GOLGA8H: variants seen among roughly 807,000 people sequenced by gnomAD.
The protein encoded by GOLGA8H is golgin A8 family member H.
GOLGA8H carries 47 observed loss-of-function variants against 82.7 expected under a neutral mutation model. That is an observed-to-expected ratio of 0.57 (90% CI 0.45 to 0.73). The LOEUF (loss-of-function observed/expected upper bound fraction) is 0.73. Among genes scored for constraint, GOLGA8H ranks in the 30% least tolerant of loss-of-function variants. GOLGA8H has a pLI of 0.00. For synonymous variants in GOLGA8H, 108 were observed against 241.6 expected (o/e 0.45, Z 5.13); for missense variants, 372 against 661.0 (o/e 0.56, Z 4.79).
At chr15:30,605,717 C>A in intron 1 of GOLGA8H, 126 bp from the exon 2 acceptor site, 5 of 1,502,940 alleles carry the variant, frequency 3.3e-6, no homozygotes, top group Non-Finnish European at 4.4e-6. Flanking sequence ...TGTGACAACA[C>A]CTTGTACGGT....
chr15:30,610,017 C>G lies in GOLGA8H; in HGVS notation c.697C>G (p.Gln233Glu), dbSNP rs148147214. ...QLTQLKESFQ[Q>E]VQLERDECAE... ...CTTGCAGTTGAAGGAGTCATTTCAA[C>G]AAGTCCAATTAGAAAGAGATGAGTG... Residue 233 changes from glutamine to glutamate, a missense_variant, in exon 10 of 19, where the codon CAA (glutamine) becomes GAA (glutamate). Transcript: ENST00000566740. 4.5e-5 allele frequency: 72 copies of G among 1,611,678 alleles called. No homozygotes were observed. In the East Asian group the frequency reaches 1.5e-3, roughly 33 times the overall value.
chr15:30,610,614 G>T lies in GOLGA8H; in HGVS notation c.875-152G>T, dbSNP rs1246481524. ...CAGCCACCCGCAGTGCTCTTTCTCT[G>T]AATGTGCTTTGGAAGACTGGCTACC... On this transcript the variant is annotated intron_variant, in intron 11 of 18. Transcript: ENST00000566740. 2.7e-5 allele frequency among the ~76,000 whole-genome samples: 4 copies of T among 150,362 alleles called. 1 individual carries two copies. Among genetic ancestry groups the T allele is most frequent in the East Asian group, 2.0e-4 (1 of 5,120 alleles).
rs1260707377 is a variant in GOLGA8H, at chr15:30,616,186, C to G, written c.*1625C>G. 6.6e-6 allele frequency among the ~76,000 whole-genome samples: 1 copy of G among 151,660 alleles called. No homozygotes were observed. The highest frequency in any genetic ancestry group is 1.5e-5 in the Non-Finnish European group (1 of 67,946). On this transcript the variant is annotated 3_prime_UTR_variant, in exon 19 of 19. Transcript: ENST00000566740. ...GTAACTTGATGATGCTTGGGAAAGA[C>G]TCAACAGTTCAAACTTCATGAAGTT... is the stretch of plus-strand genomic sequence containing the variant.
Position 30,613,890 on chromosome 15 carries a change from A to C in GOLGA8H, c.1469+20A>C, listed in dbSNP as rs2060065216. 2 of 1,601,462 alleles carry C rather than the reference A, an allele frequency of 1.2e-6. No homozygotes were observed. The highest frequency in any genetic ancestry group is 4.5e-5 in the East Asian group (2 of 44,726). ...CCATCAGTGAGTGGGAGGCCAGGGC[A>C]CGGCAGGGGGAGCTACAGGGCCGTC... On this transcript the variant is annotated intron_variant, in intron 16 of 18. Coordinates refer to ENST00000566740, the MANE Select transcript of GOLGA8H (RefSeq NM_001282490.2).
chr15:30,610,654 A>G (rs1344090262), intron 11 of GOLGA8H, 112 bp from the exon 12 acceptor site: 4 of 1,196,628 alleles, frequency 3.3e-6, no homozygotes, highest in East Asian at 2.4e-5. Context: ...GGGTGCGAGG[A>G]ATCATTAGCA....
Position 30,614,518 on chromosome 15 carries a change from T to G in GOLGA8H, c.1856T>G (p.Val619Gly), listed in dbSNP as rs2060080607. Reference sequence around the variant, plus strand: ...CCAGGCTTGGGCAGCAACTGCTGTGTGCCATTGTTGTGCTGGGCTTGGCTG... The same window carrying G: ...CCAGGCTTGGGCAGCAACTGCTGTGGGCCATTGTTGTGCTGGGCTTGGCTG... ...EHPGLGSNCC[V>G]PLLCWAWLPR... is the part of the protein sequence containing the mutation. Residue 619 changes from valine (V) to glycine (G), a missense_variant, in exon 19 of 19, where the codon GTG (valine) becomes GGG (glycine). Val to Gly is a moderately radical substitution (Grantham distance 109, BLOSUM62 -3). Coordinates refer to ENST00000566740, the MANE Select transcript of GOLGA8H (RefSeq NM_001282490.2). The G allele has an allele frequency of 1.2e-6, 2 of 1,603,862 alleles. No homozygotes were observed. The highest frequency in any genetic ancestry group is 1.7e-6 in the Non-Finnish European group (2 of 1,179,576).
chr15:30,609,302 T>C (rs2140829456), intron 8 of GOLGA8H, among the ~76,000 whole-genome samples: 1 of 124,648 alleles, frequency 8.0e-6, no homozygotes, highest in East Asian at 2.1e-4. Context: ...AAAGATTAAT[T>C]TTCCCCTTCC....
rs749536145 is a variant in GOLGA8H, at chr15:30,612,596, G to A, written c.1201-1G>A. 9.4e-6 allele frequency: 15 copies of A among 1,596,380 alleles called. No homozygotes were observed. The highest frequency in any genetic ancestry group is 1.3e-5 in the Non-Finnish European group (15 of 1,176,812). Reference sequence around the variant, plus strand: ...CTTCTCACTCTGTCCTGGCCCCTTAGGAGCACCTGGAAGCTGCCAGCCAGC... The same window carrying A: ...CTTCTCACTCTGTCCTGGCCCCTTAAGAGCACCTGGAAGCTGCCAGCCAGC... On this transcript the variant is annotated splice_acceptor_variant, in intron 13 of 18. Transcript: ENST00000566740. LOFTEE classifies it high-confidence loss of function.
chr15:30,617,074 C>T lies in GOLGA8H; in HGVS notation c.*2513C>T, dbSNP rs1595649427. Reference sequence around the variant, plus strand: ...TTGTATGACAATAACTCAAGTCTTTCTCCAAAGTGCATGCAGTCTTTTGCG... The same window carrying T: ...TTGTATGACAATAACTCAAGTCTTTTTCCAAAGTGCATGCAGTCTTTTGCG... On this transcript the variant is annotated 3_prime_UTR_variant, in exon 19 of 19. Coordinates refer to ENST00000566740, the MANE Select transcript of GOLGA8H (RefSeq NM_001282490.2). The T allele has an allele frequency of 1.4e-5, 2 of 147,530 alleles. No individual in the cohort carries two copies. Among genetic ancestry groups the T allele is most frequent in the East Asian group, 4.1e-4 (2 of 4,830 alleles). The allele number at this position is 147,530 out of a possible 1,614,324, so 9.1% of individuals were successfully genotyped here. A position where few individuals can be genotyped will look rare whatever the true frequency, so the allele number is the denominator to read the frequency against.
At chr15:30,606,260 C>G (rs1465291095) in intron 2 of GOLGA8H, among the ~76,000 whole-genome samples, 1 of 151,130 alleles carries the variant, frequency 6.6e-6, no homozygotes, top group Non-Finnish European at 1.5e-5. Context: ...AAGGCTGAGG[C>G]AAGAGAATGG....
At chr15:30,606,100 A>T in intron 2 of GOLGA8H, 138 bp downstream of exon 2, 1 of 1,438,648 alleles carries the variant, frequency 7.0e-7, no homozygotes, top group Non-Finnish European at 9.2e-7. Flanking sequence ...CACGCCTGTA[A>T]TCCTAGCACT....
At chr15:30,613,053 A>G (rs2060047895) in intron 14 of GOLGA8H, 51 bp from the exon 15 acceptor site, 2 of 1,124,204 alleles carry the variant, frequency 1.8e-6, no homozygotes, top group Admixed American at 2.2e-5. Flanking sequence ...GTGGGCCCAC[A>G]GTTCCTCCCT....
At chr15:30,609,695 G>C (rs1346099635) in intron 8 of GOLGA8H, 111 bp from the exon 9 acceptor site, 3 of 1,437,098 alleles carry the variant, frequency 2.1e-6, no homozygotes, top group Admixed American at 3.8e-5. Flanking sequence ...GAAATGCCTT[G>C]ATCTTTACTG....
intron 2 of GOLGA8H, 38 bp downstream of exon 2, chr15:30,606,000 C>T: frequency 1.9e-6 from 3 of 1,576,518 alleles, no homozygotes; most frequent in Non-Finnish European, 2.6e-6. Flanking sequence ...GGACAGGGGG[C>T]CCAAGGGGCA....
In GOLGA8H at chr15:30,605,986, C is replaced by T. The variant is rs749141093; in HGVS notation, c.168+24C>T. 9.4e-6 allele frequency: 15 copies of T among 1,588,556 alleles called. No individual in the cohort carries two copies. In the Admixed American group the frequency reaches 2.1e-4, roughly 22 times the overall value. On this transcript the variant is annotated intron_variant, in intron 2 of 18. Transcript: ENST00000566740. The stretch of plus-strand genomic sequence containing the variant: ...ATGTGAGTCTTGGCTGACCAGGCTT[C>T]TGGGGACAGGGGGCCCAAGGGGCAA...
chr15:30,615,311 C>T lies in GOLGA8H; in HGVS notation c.*750C>T, dbSNP rs1027003496. ...GTGGTTCCCTTAGGATTTGTATGTG[C>T]TCTGGGCTCATGAAGATACTGCATC... On this transcript the variant is annotated 3_prime_UTR_variant, in exon 19 of 19. Coordinates refer to ENST00000566740, the MANE Select transcript of GOLGA8H (RefSeq NM_001282490.2). Among the ~76,000 whole-genome samples, 1 of 151,786 alleles carries T rather than the reference C, an allele frequency of 6.6e-6. No individual in the cohort carries two copies. The highest frequency in any genetic ancestry group is 1.5e-5 in the Non-Finnish European group (1 of 67,922).
At chr15:30,608,442 C>G (rs1454261284) in intron 6 of GOLGA8H, 25 bp from the exon 7 acceptor site, 2 of 1,605,952 alleles carry the variant, frequency 1.2e-6, no homozygotes, top group Non-Finnish European at 1.7e-6. Flanking sequence ...TCTCTTTCAG[C>G]ACTTGCTTGG....
rs1324073206 is a variant in GOLGA8H at position 30,617,543 on chromosome 15, G to A, written c.*2982G>A. 1.3e-5 allele frequency: 2 copies of A among 150,728 alleles called. No individual in the cohort carries two copies. The highest frequency in any genetic ancestry group is 4.9e-5 in the African/African-American group (2 of 40,848). 9.3% of individuals were successfully genotyped at this position (150,728 alleles called of 1,614,324 possible). On this transcript the variant is annotated 3_prime_UTR_variant, in exon 19 of 19. Coordinates refer to ENST00000566740, the MANE Select transcript of GOLGA8H (RefSeq NM_001282490.2). ...TATGAATACTGTAGTATAAAAGAAAGAAATGGTGGGAACGAAAAGCAGAGA... is the reference window on the plus strand; with the variant it reads ...TATGAATACTGTAGTATAAAAGAAAAAAATGGTGGGAACGAAAAGCAGAGA...
intron 2 of GOLGA8H, among the ~76,000 whole-genome samples, 182 bp downstream of exon 2, chr15:30,606,144 G>C (rs1426900372): frequency 6.6e-6 from 1 of 151,642 alleles, no homozygotes; most frequent in African/African-American, 2.4e-5. Context: ...CATGAGGTCA[G>C]GCGATCGAGA....
Sources: allele counts gnomAD v4.1 joint callset (sites outside exome capture counted in the v4.1 genomes callset), GRCh38; gene constraint gnomAD v4.1.1; transcripts MANE v1.5; gene names NCBI Gene and HGNC (gene_info 2026-07-23, HGNC 2026-07-21).